The following BAAT variants were observed in gnomAD, a reference collection of about 807,000 sequenced individuals.
BAAT encodes bile acid CoA: amino acid N-acyltransferase (glycine N-choloyltransferase).
In BAAT, 13 loss-of-function variants were observed where a neutral mutation model predicts 18.9. The ratio of observed to expected loss-of-function variants is 0.69; its 90% CI spans 0.45 to 1.10. The LOEUF is 1.10. Among genes scored for constraint, BAAT ranks in the 50% least tolerant of loss-of-function variants. BAAT has a pLI of 0.00. For missense variants in BAAT, 489 were observed against 504.0 expected, an observed-to-expected ratio of 0.97 and a Z score of 0.28; for synonymous variants, 170 against 190.7, an observed-to-expected ratio of 0.89 and a Z score of 0.89.
At chr9:101,370,692 T>C (rs1829919996) in intron 2 of BAAT, among the ~76,000 whole-genome samples, 1 of 152,190 alleles carries the variant, frequency 6.6e-6, no homozygotes, top group Non-Finnish European at 1.5e-5. Flanking sequence ...AAACTTGAGC[T>C]GGAGTAGAAT....
intron 2 of BAAT, among the ~76,000 whole-genome samples, chr9:101,369,004 T>A (rs1031470091): frequency 6.6e-6 from 1 of 152,194 alleles, no homozygotes; most frequent in African/African-American, 2.4e-5. Context: ...TGAGCCCCTT[T>A]ATTCAATAAC....
intron 1 of BAAT, among the ~76,000 whole-genome samples, chr9:101,379,956 A>G (rs867677158): frequency 1.2e-4 from 19 of 152,332 alleles, no homozygotes; most frequent in African/African-American, 4.6e-4. Context: ...AAGAAAGCCT[A>G]TGCATTTTTT....
Position 101,361,023 on chromosome 9 carries a change from G to C in BAAT, c.*1405C>G. 5.8e-6 allele frequency: 1 copy of C among 172,654 alleles called. No homozygotes were observed. Among genetic ancestry groups the C allele is most frequent in the Non-Finnish European group, 1.3e-5 (1 of 77,124 alleles). The allele number at this position is 172,654 out of a possible 1,614,324, so 10.7% of individuals were successfully genotyped here. A position where few individuals can be genotyped will look rare whatever the true frequency, so the allele number is the denominator to read the frequency against. ...GCAGCCAGTGTTGGAGTAAGACATG[G>C]ATCTTGACCCTATGGTTTTTGTGTA... On this transcript the variant is annotated 3_prime_UTR_variant, in exon 4 of 4. Transcript: ENST00000259407.
At chr9:101,379,151 A>C (rs1161533141) in intron 1 of BAAT, among the ~76,000 whole-genome samples, 1 of 152,220 alleles carries the variant, frequency 6.6e-6, no homozygotes, top group Non-Finnish European at 1.5e-5. Context: ...AATTACTTCA[A>C]CCATTGTAGA....
At position 101,363,725 on chromosome 9, in the gene BAAT, G is replaced by C. The variant is rs143417657; in HGVS notation, c.670-710C>G. 1.3e-4 allele frequency among the ~76,000 whole-genome samples: 20 copies of C among 152,102 alleles called. No individual in the cohort carries two copies. The East Asian group carries it at 3.7e-3, about 28-fold the overall frequency. On this transcript the variant is annotated intron_variant, in intron 3 of 3. Transcript: ENST00000259407. ...GTATGTAGGCTAGACTGCCAACCCAGATTAGCAGGGAATAAAGGCAGGATC... is the reference window on the plus strand; with the variant it reads ...GTATGTAGGCTAGACTGCCAACCCACATTAGCAGGGAATAAAGGCAGGATC...
Position 101,362,648 on chromosome 9 carries a change from C to G in BAAT, c.1037G>C (p.Arg346Thr), listed in dbSNP as rs1448546299. 2.5e-6 allele frequency: 4 copies of G among 1,614,056 alleles called. No homozygotes were observed. Among genetic ancestry groups the G allele is most frequent in the Non-Finnish European group, 3.4e-6 (4 of 1,180,038 alleles). Residue 346 changes from arginine to threonine, a missense_variant, in exon 4 of 4, where the codon AGA becomes ACA. By Grantham distance (71) the Arg-to-Thr change is moderately conservative. Coordinates refer to ENST00000259407, the MANE Select transcript of BAAT (RefSeq NM_001701.4). ...HAEQAIGQLK[R>T]HGKNNWTLLS... ...CAGGGTCCAGTTGTTCTTCCCATGT[C>G]TCTTCAGCTGTCCTATGGCTTGTTC...
chr9:101,377,708 C>CCT (rs1830070486), intron 1 of BAAT, among the ~76,000 whole-genome samples: 1 of 152,144 alleles, frequency 6.6e-6, no homozygotes, highest in South Asian at 2.1e-4. Context: ...ACAAGGATGT[C>CCT]CTCTCTCACC....
chr9:101,377,065 A>C (rs1830060268), intron 1 of BAAT, among the ~76,000 whole-genome samples: 1 of 152,214 alleles, frequency 6.6e-6, no homozygotes, highest in East Asian at 1.9e-4. Flanking sequence ...TCATTCATAA[A>C]ATTTTATTAA....
Position 101,362,323 on chromosome 9 carries a change from C to A in BAAT, c.*105G>T. 1 of 1,200,736 alleles carries A rather than the reference C, an allele frequency of 8.3e-7. No individual in the cohort carries two copies. The highest frequency in any genetic ancestry group is 1.2e-6 in the Non-Finnish European group (1 of 839,310). The allele number at this position is 1,200,736 out of a possible 1,614,324, so 74.4% of individuals were successfully genotyped here. On this transcript the variant is annotated 3_prime_UTR_variant, in exon 4 of 4. Transcript: ENST00000259407. ...CTCTTTTTAATCATTAAAATTAATACAAAATGTGTGTGTGGCAGCTGGGGG... is the reference window on the plus strand; with the variant it reads ...CTCTTTTTAATCATTAAAATTAATAAAAAATGTGTGTGTGGCAGCTGGGGG...
chr9:101,366,937 C>A (rs1020451678), intron 3 of BAAT, among the ~76,000 whole-genome samples: 1 of 151,148 alleles, frequency 6.6e-6, no homozygotes, highest in Non-Finnish European at 1.5e-5. Flanking sequence ...TATGGCAAAA[C>A]CCCGTCTCTA....
chr9:101,365,732 C>T (rs1829814636), intron 3 of BAAT, among the ~76,000 whole-genome samples: 2 of 152,062 alleles, frequency 1.3e-5, no homozygotes, highest in African/African-American at 4.8e-5. Context: ...TGGGTTTTCT[C>T]CATGTTGGCC....
intron 1 of BAAT, chr9:101,375,633 G>T: frequency 6.2e-6 from 1 of 160,190 alleles, no homozygotes; most frequent in Non-Finnish European, 1.4e-5. Context: ...GTGAAAGTGA[G>T]ACAGCCAGTG....
chr9:101,372,761 A>G (rs1055194590), intron 1 of BAAT, among the ~76,000 whole-genome samples: 4 of 152,080 alleles, frequency 2.6e-5, no homozygotes, highest in African/African-American at 9.7e-5. Context: ...TCTCTCCTAC[A>G]TGCTGATTTA....
chr9:101,371,805 G>A (rs1371355542), intron 1 of BAAT, among the ~76,000 whole-genome samples: 1 of 152,132 alleles, frequency 6.6e-6, no homozygotes, highest in Non-Finnish European at 1.5e-5. Context: ...AAAATAAGAT[G>A]TGGGTTTGAA....
chr9:101,366,376 G>A (rs545405175), intron 3 of BAAT, among the ~76,000 whole-genome samples: 12 of 152,246 alleles, frequency 7.9e-5, no homozygotes, highest in African/African-American at 2.9e-4. Flanking sequence ...GTTCTTAGAA[G>A]TTACTTAAAA....
chr9:101,378,408 C>T (rs762445328), intron 1 of BAAT, among the ~76,000 whole-genome samples: 23 of 152,174 alleles, frequency 1.5e-4, no homozygotes, highest in Non-Finnish European at 3.1e-4. Flanking sequence ...AGAACAGAGG[C>T]CTCAGAAATA....
At position 101,371,032 on chromosome 9, in the gene BAAT, T is replaced by C; in HGVS notation, c.373A>G (p.Ser125Gly). ...ACATACCACCTCTCCAAAGTCAGGC[T>C]GGCCTTTGGAGCACTGGCAACTTTA... ...NNKVASAPKA[S>G]LTLERWYVAP... Residue 125 changes from serine to glycine, a missense_variant, in exon 2 of 4, where the codon AGC becomes GGC. Ser to Gly is a moderately conservative substitution (Grantham distance 56). Coordinates refer to ENST00000259407, the MANE Select transcript of BAAT (RefSeq NM_001701.4). 6.2e-7 allele frequency: 1 copy of C among 1,614,184 alleles called. No individual in the cohort carries two copies. Among genetic ancestry groups the C allele is most frequent in the East Asian group, 2.2e-5 (1 of 44,870 alleles).
At chr9:101,367,714 G>A (rs541040588) in intron 3 of BAAT, among the ~76,000 whole-genome samples, 4 of 152,052 alleles carry the variant, frequency 2.6e-5, no homozygotes, top group South Asian at 4.2e-4. Context: ...TTGAACTGTC[G>A]GCCTCTATTA....
At chr9:101,366,102 G>A (rs1829821873) in intron 3 of BAAT, among the ~76,000 whole-genome samples, 1 of 152,056 alleles carries the variant, frequency 6.6e-6, no homozygotes, top group Non-Finnish European at 1.5e-5. Context: ...CAGAAACTTT[G>A]TACCCTTTGA....
Sources: allele counts gnomAD v4.1 joint callset (sites outside exome capture counted in the v4.1 genomes callset), GRCh38; gene constraint gnomAD v4.1.1; transcripts MANE v1.5; gene names NCBI Gene and HGNC (gene_info 2026-07-23, HGNC 2026-07-21).